The following DPYD variants were observed in gnomAD, a reference collection of about 807,000 sequenced individuals.
DPYD encodes the protein dihydropyrimidine dehydrogenase.
In DPYD, 109 loss-of-function variants were observed where a neutral mutation model predicts 116.2. The ratio of observed to expected loss-of-function variants is 0.94; its 90% CI spans 0.80 to 1.10. DPYD has a LOEUF of 1.10. Among genes scored for constraint, DPYD ranks in the 50% least tolerant of loss-of-function variants. The pLI, the probability that DPYD is intolerant of heterozygous loss-of-function variation, is 0.00. For missense variants in DPYD, 1,302 were observed against 1,254.5 expected, an observed-to-expected ratio of 1.04 and a Z score of -0.57; for synonymous variants, 440 against 432.0, an observed-to-expected ratio of 1.02 and a Z score of -0.23.
intron 18 of DPYD, among the ~76,000 whole-genome samples, chr1:97,253,418 T>C (rs1663240129): frequency 1.3e-5 from 2 of 152,174 alleles, no homozygotes; most frequent in South Asian, 4.1e-4. Flanking sequence ...CCCTTTCATG[T>C]CTCAACTAAC....
chr1:97,681,612 T>C (rs1660430639), intron 7 of DPYD, among the ~76,000 whole-genome samples: 1 of 152,142 alleles, frequency 6.6e-6, no homozygotes, highest in Non-Finnish European at 1.5e-5. Flanking sequence ...TAGTAAGTAA[T>C]AGTATTACTA....
chr1:97,664,330 G>A (rs1382592719), intron 8 of DPYD, among the ~76,000 whole-genome samples: 2 of 151,596 alleles, frequency 1.3e-5, no homozygotes, highest in Admixed American at 6.6e-5. Context: ...ATATATGTGT[G>A]TATGTGTGTG....
intron 13 of DPYD, among the ~76,000 whole-genome samples, chr1:97,514,560 TATA>T: frequency 6.6e-6 from 1 of 151,896 alleles, no homozygotes; most frequent in East Asian, 1.9e-4. Context: ...TCTACAAGGT[TATA>T]AACAATTGAT....
chr1:97,399,228 G>C lies in DPYD; in HGVS notation c.1906-16767C>G, dbSNP rs183401770. The stretch of plus-strand genomic sequence containing the variant: ...AATCCTTTCCCCATTGCTTGTTTTT[G>C]TCAGGTTTGTCAAAGATCAGATAGT... On this transcript the variant is annotated intron_variant, in intron 14 of 22. Coordinates refer to ENST00000370192, the MANE Select transcript of DPYD (RefSeq NM_000110.4). 7.6e-3 allele frequency among the ~76,000 whole-genome samples: 1,162 copies of C among 152,158 alleles called. 16 individuals are homozygous for C. The highest frequency in any genetic ancestry group is 0.027 in the African/African-American group (1,101 of 41,508).
rs369585436 is a variant in DPYD, at chr1:97,415,092, C to T, written c.1906-32631G>A. On this transcript the variant is annotated intron_variant, in intron 14 of 22. Transcript: ENST00000370192. ...AAGAAGAAGGAGAAAACTTTCATTACGGGAAAAACAAACAAACAAAACCAG... is the reference window on the plus strand; with the variant it reads ...AAGAAGAAGGAGAAAACTTTCATTATGGGAAAAACAAACAAACAAAACCAG... Among the ~76,000 whole-genome samples the T allele has an allele frequency of 5.9e-5, 9 of 152,084 alleles. No homozygotes were observed. The South Asian group carries it at 8.3e-4, about 14-fold the overall frequency.
intron 16 of DPYD, among the ~76,000 whole-genome samples, chr1:97,370,976 C>T (rs185934795): frequency 6.6e-6 from 1 of 152,198 alleles, no homozygotes; most frequent in East Asian, 1.9e-4. Context: ...AAATATGGAA[C>T]CCATAATGTT....
At chr1:97,118,735 C>T (rs1169874432) in intron 20 of DPYD, among the ~76,000 whole-genome samples, 2 of 152,186 alleles carry the variant, frequency 1.3e-5, no homozygotes, top group East Asian at 1.9e-4. Context: ...CTTTTACTGT[C>T]GACTCAGAAG....
chr1:97,692,783 A>G (rs1401094650), intron 6 of DPYD, among the ~76,000 whole-genome samples: 1 of 152,178 alleles, frequency 6.6e-6, no homozygotes, highest in Non-Finnish European at 1.5e-5. Context: ...TATATCCATT[A>G]TATCTTTAAT....
At chr1:97,746,005 A>G (rs781061940) in intron 3 of DPYD, among the ~76,000 whole-genome samples, 19 of 151,414 alleles carry the variant, frequency 1.3e-4, no homozygotes, top group Non-Finnish European at 2.5e-4. Context: ...TTAGTTTAGG[A>G]AAAAAAAAGT....
intron 19 of DPYD, among the ~76,000 whole-genome samples, chr1:97,211,971 G>A (rs190116011): frequency 4.6e-5 from 7 of 152,004 alleles, no homozygotes; most frequent in East Asian, 1.9e-4. Context: ...ACTATGAATC[G>A]CTCCCAATTC....
At chr1:97,507,881 A>G (rs1017826337) in intron 13 of DPYD, among the ~76,000 whole-genome samples, 2 of 152,050 alleles carry the variant, frequency 1.3e-5, no homozygotes, top group South Asian at 4.1e-4. Context: ...TTATGAAAAG[A>G]AAAACAGAAC....
intron 13 of DPYD, among the ~76,000 whole-genome samples, chr1:97,506,312 G>T (rs971238077): frequency 4.6e-5 from 7 of 151,900 alleles, no homozygotes; most frequent in Non-Finnish European, 1.0e-4. Context: ...AAGGCAAGGA[G>T]AATATTATGG....
At chr1:97,425,402 A>T (rs940843985) in intron 14 of DPYD, among the ~76,000 whole-genome samples, 4 of 152,158 alleles carry the variant, frequency 2.6e-5, no homozygotes, top group Admixed American at 2.6e-4. Flanking sequence ...AGTAGACCAA[A>T]CAATTATTAT....
intron 20 of DPYD, among the ~76,000 whole-genome samples, chr1:97,148,827 A>G (rs1261120578): frequency 6.6e-6 from 1 of 152,188 alleles, no homozygotes; most frequent in Non-Finnish European, 1.5e-5. Context: ...CTTACAGTTC[A>G]TTGTTTGTAT....
At chr1:97,409,048 C>T (rs1471130789) in intron 14 of DPYD, among the ~76,000 whole-genome samples, 2 of 152,092 alleles carry the variant, frequency 1.3e-5, no homozygotes, top group African/African-American at 2.4e-5. Context: ...GGGACTTCAC[C>T]TTATGATCAT....
intron 16 of DPYD, among the ~76,000 whole-genome samples, chr1:97,332,090 C>T (rs1669038196): frequency 6.6e-6 from 1 of 152,142 alleles, no homozygotes; most frequent in African/African-American, 2.4e-5. Context: ...CCTAGGAACA[C>T]TGAGAATTCC....
intron 13 of DPYD, among the ~76,000 whole-genome samples, chr1:97,483,206 A>G (rs997409209): frequency 6.6e-5 from 10 of 152,200 alleles, no homozygotes; most frequent in Admixed American, 6.5e-4. Context: ...CTGAAGGTAT[A>G]CTGCATACCT....
chr1:97,566,897 G>A (rs779532673), intron 11 of DPYD, among the ~76,000 whole-genome samples: 2 of 152,068 alleles, frequency 1.3e-5, no homozygotes, highest in African/African-American at 2.4e-5. Flanking sequence ...TACCAAATAA[G>A]TTACATTTTA....
chr1:97,254,392 G>A (rs568511363), intron 18 of DPYD, among the ~76,000 whole-genome samples: 7 of 152,124 alleles, frequency 4.6e-5, no homozygotes, highest in South Asian at 2.1e-4. Flanking sequence ...TTCTAGTTAC[G>A]AAAGCATTTA....
Sources: allele counts gnomAD v4.1 joint callset (sites outside exome capture counted in the v4.1 genomes callset), GRCh38; gene constraint gnomAD v4.1.1; transcripts MANE v1.5; gene names NCBI Gene and HGNC (gene_info 2026-07-23, HGNC 2026-07-21).